DOCK9: variants seen among roughly 807,000 people sequenced by gnomAD.
DOCK9 encodes dedicator of cytokinesis 9.
In DOCK9, 89 loss-of-function variants were observed where a neutral mutation model predicts 263.3. That is an observed-to-expected ratio of 0.34 (90% CI 0.28 to 0.40). The LOEUF (loss-of-function observed/expected upper bound fraction) is 0.40, where lower values mean the gene tolerates loss of function less well. DOCK9 is among the 10% of genes least tolerant of loss of function. The pLI is 1.00. For missense variants in DOCK9, 2,140 were observed against 2,603.4 expected, an observed-to-expected ratio of 0.82 and a Z score of 3.87; for synonymous variants, 976 against 973.1, an observed-to-expected ratio of 1.00 and a Z score of -0.06.
chr13:98,954,517 T>A (rs569751941), intron 2 of DOCK9, among the ~76,000 whole-genome samples: 4 of 152,230 alleles, frequency 2.6e-5, no homozygotes, highest in Admixed American at 6.5e-5. Flanking sequence ...CCACAGGCCA[T>A]AGCCTGAAAG....
intron 45 of DOCK9, among the ~76,000 whole-genome samples, chr13:98,817,451 CTTTTTTTTTT>C (rs10683281): frequency 1.0e-5 from 1 of 97,632 alleles, no homozygotes; most frequent in Admixed American, 1.3e-4. Context: ...ATACACCCAG[CTTTTTTTTTT>C]TTTTTTTTTT....
chr13:98,887,836 C>T (rs898584356), intron 18 of DOCK9, among the ~76,000 whole-genome samples: 3 of 151,894 alleles, frequency 2.0e-5, no homozygotes, highest in Admixed American at 6.6e-5. Flanking sequence ...CTATGATCAA[C>T]ATTATTCATA....
At chr13:98,960,969 T>C (rs1407439823) in intron 1 of DOCK9, among the ~76,000 whole-genome samples, 1 of 152,196 alleles carries the variant, frequency 6.6e-6, no homozygotes, top group Non-Finnish European at 1.5e-5. Flanking sequence ...CTTTCTATGA[T>C]TGTATACACA....
At position 98,899,052 on chromosome 13, in the gene DOCK9, ATT is replaced by A. The variant is rs71683157; in HGVS notation, c.1504-793_1504-792del. 1.9e-3 allele frequency among the ~76,000 whole-genome samples: 260 copies of A among 140,336 alleles called. 6 individuals are homozygous for A. In the South Asian group the frequency reaches 0.047, roughly 26 times the overall value. The allele number at this position is 140,336 out of a possible 152,430, so 92.1% of individuals were successfully genotyped here. A position where few individuals can be genotyped will look rare whatever the true frequency, so the allele number is the denominator to read the frequency against. On this transcript the variant is annotated intron_variant, in intron 13 of 52. Coordinates refer to ENST00000682017, the MANE Select transcript of DOCK9 (RefSeq NM_001366683.2). ...AGTGAAGGGTCTTTTACATTACTTA[ATT>A]TTTTTTTTTTTTTTTTTACTGAAGG...
chr13:99,054,225 A>G (rs1382015883), intron 1 of DOCK9, among the ~76,000 whole-genome samples: 3 of 152,130 alleles, frequency 2.0e-5, no homozygotes, highest in African/African-American at 4.8e-5. Flanking sequence ...TCTCACTTAG[A>G]AAAAAAACAG....
At position 98,923,324 on chromosome 13, in the gene DOCK9, T is replaced by C. The variant is rs2052383166; in HGVS notation, c.464A>G (p.Asp155Gly). ...DKLPVHVYEV[D>G]EEVDKDEDAA... Reference sequence around the variant, plus strand: ...CACCTCATCTTTGTCGACCTCCTCGTCAACTTCATAGACATGAACTGGAAG... The same window carrying C: ...CACCTCATCTTTGTCGACCTCCTCGCCAACTTCATAGACATGAACTGGAAG... Residue 155 changes from aspartate (D) to glycine (G), a missense_variant, in exon 5 of 53, where the codon GAC becomes GGC. Asp to Gly is a moderately conservative substitution (Grantham distance 94, BLOSUM62 -1). Transcript: ENST00000682017. The C allele has an allele frequency of 6.2e-7, 1 of 1,613,802 alleles. No homozygotes were observed. Among genetic ancestry groups the C allele is most frequent in the Non-Finnish European group, 8.5e-7 (1 of 1,179,830 alleles).
At chr13:99,030,406 C>G (rs1000800268) in intron 1 of DOCK9, among the ~76,000 whole-genome samples, 2 of 152,120 alleles carry the variant, frequency 1.3e-5, no homozygotes, top group African/African-American at 4.8e-5. Flanking sequence ...GCCTAAGAAC[C>G]AAACCATGTT....
In DOCK9 at chr13:99,049,865, T is replaced by C. The variant is rs539043189; in HGVS notation, c.129+36358A>G. Among the ~76,000 whole-genome samples the C allele has an allele frequency of 2.6e-5, 4 of 152,338 alleles. 1 individual carries two copies. The highest frequency in any genetic ancestry group is 2.0e-4 in the Admixed American group (3 of 15,306). On this transcript the variant is annotated intron_variant, in intron 1 of 32. Transcript: ENST00000427887. The stretch of plus-strand genomic sequence containing the variant: ...GGACACATACTGTATTATCAGATAA[T>C]GATCCCTAACATACAAAACTGGATT...
chr13:98,915,722 C>T (rs780820455), intron 7 of DOCK9, among the ~76,000 whole-genome samples: 6 of 150,354 alleles, frequency 4.0e-5, no homozygotes, highest in Non-Finnish European at 7.4e-5. Context: ...CCTTCTGACT[C>T]ATTACCTGCT....
intron 9 of DOCK9, among the ~76,000 whole-genome samples, chr13:98,910,075 A>G (rs2049770884): frequency 6.6e-6 from 1 of 152,280 alleles, no homozygotes; most frequent in Non-Finnish European, 1.5e-5. Flanking sequence ...AAAAGCTCAC[A>G]AACAGAAAAG....
chr13:98,933,049 A>G (rs920100377), intron 2 of DOCK9, among the ~76,000 whole-genome samples: 28 of 152,364 alleles, frequency 1.8e-4, no homozygotes, highest in African/African-American at 5.8e-4. Context: ...TACCTCAAAA[A>G]GTATACATTC....
intron 1 of DOCK9, among the ~76,000 whole-genome samples, chr13:98,958,266 G>A (rs1483437140): frequency 6.6e-6 from 1 of 152,198 alleles, no homozygotes; most frequent in African/African-American, 2.4e-5. Context: ...CACCCCTTCA[G>A]CAGCTTCCCC....
chr13:98,974,492 G>A (rs2060024698), intron 1 of DOCK9, among the ~76,000 whole-genome samples: 1 of 152,094 alleles, frequency 6.6e-6, no homozygotes. Flanking sequence ...GCTCACACCT[G>A]TAATCCCAGC....
chr13:98,931,771 T>C (rs1331633831), intron 2 of DOCK9, among the ~76,000 whole-genome samples: 3 of 152,058 alleles, frequency 2.0e-5, no homozygotes, highest in African/African-American at 7.2e-5. Context: ...CTAATTTTTG[T>C]ATTTTTAGTA....
intron 1 of DOCK9, among the ~76,000 whole-genome samples, chr13:98,964,999 T>C (rs1595700768): frequency 1.3e-5 from 2 of 152,186 alleles, no homozygotes; most frequent in African/African-American, 4.8e-5. Context: ...GTCTCTCCTC[T>C]GAAGTAAGCA....
rs777727570 is a variant in DOCK9 at position 98,921,003 on chromosome 13, T to C, written c.668A>G (p.Lys223Arg). 25 of 1,606,486 alleles carry C rather than the reference T, an allele frequency of 1.6e-5. 1 individual carries two copies. The highest frequency in any genetic ancestry group is 2.0e-5 in the Non-Finnish European group (24 of 1,175,872). Residue 223 changes from lysine to arginine, a missense_variant, in exon 7 of 53, where the codon AAA becomes AGA. By Grantham distance (26) the Lys-to-Arg change is conservative. This residue lies in a region of DOCK9 where 1,521 missense variants were observed against 1,741.7 expected (regional missense o/e 0.87). Transcript: ENST00000682017. The part of the protein sequence containing the change: ...LNFYKDEKIS[K>R]EPKGSIFLDS... The stretch of plus-strand genomic sequence containing the variant: ...CAGAAATATTGATCCTTTTGGTTCT[T>C]TGGAGATCTTTTCATCTTTATAAAA...
chr13:99,073,884 T>C (rs1329038310), intron 1 of DOCK9, among the ~76,000 whole-genome samples: 1 of 152,242 alleles, frequency 6.6e-6, no homozygotes, highest in Admixed American at 6.5e-5. Context: ...TCCTGTTATC[T>C]TGATATTTTT....
chr13:98,899,233 C>T (rs762265006), intron 13 of DOCK9, among the ~76,000 whole-genome samples: 7 of 152,030 alleles, frequency 4.6e-5, no homozygotes, highest in Non-Finnish European at 8.8e-5. Flanking sequence ...ACAAGACCTC[C>T]GGTGATCTGT....
intron 39 of DOCK9, chr13:98,834,505 A>G (rs7983402): frequency 0.14 from 21,414 of 152,080 alleles, 1,682 homozygotes; most frequent in South Asian, 0.22. Flanking sequence ...CTTGGTTCCT[A>G]TTGCTCCTGA....
Sources: allele counts gnomAD v4.1 joint callset (sites outside exome capture counted in the v4.1 genomes callset), GRCh38; gene constraint gnomAD v4.1.1; regional missense constraint gnomAD v4.1.1; transcripts MANE v1.5; gene names NCBI Gene and HGNC (gene_info 2026-07-23, HGNC 2026-07-21).